ODF2: variants seen among roughly 807,000 people sequenced by gnomAD.
ODF2 encodes outer dense fiber protein 2.
In ODF2, 47 loss-of-function variants were observed where a neutral mutation model predicts 110.2. That is an observed-to-expected ratio of 0.43 (90% confidence interval 0.34 to 0.54). The LOEUF is 0.54. Ranked by LOEUF, ODF2 falls within the 20% of genes least tolerant of loss-of-function variation. The pLI, the probability that ODF2 is intolerant of heterozygous loss-of-function variation, is 0.03. For missense variants in ODF2, 812 were observed against 1,054.5 expected (o/e 0.77, Z 3.19); for synonymous variants, 352 against 397.7 (o/e 0.89, Z 1.37).
At chr9:128,471,359 C>T (rs1326105887) in exon 6 of ODF2, 10 of 1,613,054 alleles carry the variant, frequency 6.2e-6, no homozygotes, top group South Asian at 1.1e-5. Flanking sequence ...CCTGGAGGAA[C>T]GGAAGGAAGA....
rs751579375 is a variant in ODF2, at chr9:128,459,537, T to C, written c.33-30T>C. 7.0e-6 allele frequency: 11 copies of C among 1,572,194 alleles called. No homozygotes were observed. The African/African-American group carries it at 1.5e-4, about 21-fold the overall frequency. The stretch of plus-strand genomic sequence containing the variant: ...ATATAAGATTGCCCTAGTTTTCTGC[T>C]TACAATCTGGTTCTTGTGCCTGGGT... On this transcript the variant is annotated intron_variant, in intron 2 of 20. Transcript: ENST00000604420.
intron 4 of ODF2, among the ~76,000 whole-genome samples, chr9:128,463,273 A>C (rs1413687009): frequency 6.6e-6 from 1 of 152,204 alleles, no homozygotes; most frequent in African/African-American, 2.4e-5. Context: ...AAAACAAAAC[A>C]AAAGAGAAAT....
chr9:128,491,929 C>T lies in ODF2; in HGVS notation c.1537-497C>T, dbSNP rs1399198966. ...TCGCCCAGGCTGGAGTGCAGGGGCA[C>T]GATCTCACCTTACTGCAAGCTCCGC... On this transcript the variant is annotated intron_variant, in intron 14 of 20. Coordinates refer to ENST00000604420, the Ensembl canonical transcript of ODF2. Among the ~76,000 whole-genome samples, 3 of 145,274 alleles carry T rather than the reference C, an allele frequency of 2.1e-5. No individual in the cohort carries two copies. The East Asian group carries it at 6.3e-4, about 30-fold the overall frequency.
chr9:128,479,166 G>A (rs1841944898), intron 8 of ODF2, among the ~76,000 whole-genome samples: 1 of 152,148 alleles, frequency 6.6e-6, no homozygotes, highest in Non-Finnish European at 1.5e-5. Context: ...CAGTTCCTAG[G>A]TGCCCAGGAA....
Position 128,490,486 on chromosome 9 carries a change from C to T in ODF2, c.1537-1940C>T, listed in dbSNP as rs889637087. 3.9e-5 allele frequency among the ~76,000 whole-genome samples: 6 copies of T among 151,982 alleles called. No individual in the cohort carries two copies. The South Asian group carries it at 8.3e-4, about 21-fold the overall frequency. ...TTTAGTAAGAGACAGGGTTTTACCA[C>T]GTTGGCCAGGCTGGTCTCGAACTTC... On this transcript the variant is annotated intron_variant, in intron 14 of 20. Transcript: ENST00000604420.
rs140147335 is a variant in ODF2, at chr9:128,458,237, G to A, written c.32+800G>A. Among the ~76,000 whole-genome samples the A allele has an allele frequency of 9.6e-3, 1,454 of 152,142 alleles. 32 individuals are homozygous for A. Among genetic ancestry groups the A allele is most frequent in the East Asian group, 0.073 (375 of 5,164 alleles). On this transcript the variant is annotated intron_variant, in intron 2 of 20. Coordinates refer to ENST00000604420, the Ensembl canonical transcript of ODF2. ...AGAGGCCAAGGTGGGTGGATCACCT[G>A]AGGTCAGGAGTTTGAGACCAGCCTG...
At chr9:128,469,489 TTGCC>T in intron 5 of ODF2, 136 bp downstream of exon 5, 1 of 853,202 alleles carries the variant, frequency 1.2e-6, no homozygotes, top group Admixed American at 2.3e-5. Context: ...CGGGCTTCAG[TTGCC>T]TGCCCCGGGA....
chr9:128,460,583 C>T, intron 3 of ODF2: 2 of 1,613,936 alleles, frequency 1.2e-6, no homozygotes, highest in Non-Finnish European at 1.7e-6. Context: ...TTCAACTCCC[C>T]CCTTACATGT....
intron 14 of ODF2, 80 bp downstream of exon 14, chr9:128,488,105 G>C: frequency 6.5e-7 from 1 of 1,530,984 alleles, no homozygotes; most frequent in Non-Finnish European, 9.0e-7. Context: ...CGTGGGCCTG[G>C]GGGCATCTTG....
chr9:128,485,275 G>T lies in ODF2; in HGVS notation c.1291-90G>T. ...AGAATGAGGTTTAGGTTACCAGGGT[G>T]AGAAACCACCTAGGATGAGCCCGCT... On this transcript the variant is annotated intron_variant, in intron 12 of 20. Coordinates refer to ENST00000604420, the Ensembl canonical transcript of ODF2. This position sits in a 1 kb window ranked among gnomAD's most constrained non-coding sequence, Gnocchi z 5.0. The T allele has an allele frequency of 1.4e-6, 1 of 707,662 alleles. No individual in the cohort carries two copies. 43.8% of individuals were successfully genotyped at this position (707,662 alleles called of 1,614,324 possible).
chr9:128,498,608 T>C (rs1185528021), intron 19 of ODF2, 33 bp downstream of exon 19: 7 of 1,262,624 alleles, frequency 5.5e-6, no homozygotes. Flanking sequence ...ACTAGCTCTG[T>C]GACCTTGGGC....
chr9:128,488,862 C>T (rs189207358), intron 14 of ODF2, among the ~76,000 whole-genome samples: 3 of 152,224 alleles, frequency 2.0e-5, no homozygotes, highest in South Asian at 2.1e-4. Flanking sequence ...AAAAAATTAT[C>T]TGGGCATGGT....
chr9:128,499,332 C>T (rs1846181521), intron 20 of ODF2, among the ~76,000 whole-genome samples: 1 of 152,206 alleles, frequency 6.6e-6, no homozygotes, highest in African/African-American at 2.4e-5. Flanking sequence ...GTCACCCAGG[C>T]TGGAATGCAG....
intron 3 of ODF2, 131 bp from the exon 4 acceptor site, chr9:128,460,811 C>T: frequency 6.6e-7 from 1 of 1,508,970 alleles, no homozygotes; most frequent in Non-Finnish European, 9.1e-7. Flanking sequence ...GGTAGGCAGG[C>T]CTGTCATCCA....
chr9:128,490,581 G>T (rs1844341174), intron 14 of ODF2, among the ~76,000 whole-genome samples: 1 of 151,956 alleles, frequency 6.6e-6, no homozygotes, highest in South Asian at 2.1e-4. Context: ...CACCACGCCT[G>T]GCCTTTCCTA....
At chr9:128,472,136 CGGGCGTCGCGGCGG>C (rs1166956504) in intron 6 of ODF2, among the ~76,000 whole-genome samples, 1 of 151,994 alleles carries the variant, frequency 6.6e-6, no homozygotes, top group African/African-American at 2.4e-5. Context: ...AAAATTAAGC[CGGGCGTCGCGGCGG>C]GCGCCTATAA....
chr9:128,459,191 G>A (rs1835759182), intron 2 of ODF2, among the ~76,000 whole-genome samples: 1 of 152,188 alleles, frequency 6.6e-6, no homozygotes, highest in South Asian at 2.1e-4. Flanking sequence ...TTTCTCCAGG[G>A]CCGCCTCTGC....
At position 128,459,676 on chromosome 9, in the gene ODF2, T is replaced by C. The variant is rs766702843; in HGVS notation, c.123+19T>C. On this transcript the variant is annotated intron_variant, in intron 3 of 20. Transcript: ENST00000604420. Reference sequence around the variant, plus strand: ...TGTGACGGTAGGTGATGCACTCACGTAGCAGCCCTCTTTGGTCACCTTGCT... The same window carrying C: ...TGTGACGGTAGGTGATGCACTCACGCAGCAGCCCTCTTTGGTCACCTTGCT... The C allele has an allele frequency of 2.5e-6, 4 of 1,588,848 alleles. No homozygotes were observed. Among genetic ancestry groups the C allele is most frequent in the South Asian group, 2.2e-5 (2 of 90,252 alleles).
chr9:128,457,032 C>T (rs906796174), intron 1 of ODF2: 2 of 1,282,966 alleles, frequency 1.6e-6, no homozygotes, highest in East Asian at 4.2e-5. Context: ...CCGCCCTCTC[C>T]GCACGTCCGC....
Sources: allele counts gnomAD v4.1 joint callset (sites outside exome capture counted in the v4.1 genomes callset), GRCh38; gene constraint gnomAD v4.1.1; non-coding constraint Gnocchi (gnomAD v3.1); transcripts MANE v1.5; gene names NCBI Gene and HGNC (gene_info 2026-07-23, HGNC 2026-07-21).